DOCK1: variants seen among roughly 807,000 people sequenced by gnomAD.
The protein encoded by DOCK1 is dedicator of cytokinesis protein 1.
DOCK1 carries 138 observed loss-of-function variants against 262.7 expected under a neutral mutation model. The observed-to-expected ratio is 0.53, with a 90% CI of 0.46 to 0.61. The LOEUF is 0.61. DOCK1 is among the 20% of genes least tolerant of loss of function. The pLI is 0.00. For missense variants in DOCK1, 1,908 were observed against 2,370.7 expected (o/e 0.80, Z 4.05); for synonymous variants, 866 against 867.4 (o/e 1.00, Z 0.03).
chr10:126,996,590 A>G (rs1031672390), intron 6 of DOCK1, among the ~76,000 whole-genome samples, 158 bp from the exon 7 acceptor site: 2 of 150,746 alleles, frequency 1.3e-5, no homozygotes, highest in African/African-American at 4.9e-5. Context: ...TTTAAGCTAA[A>G]GAAAGCAGCC....
chr10:127,342,696 A>G (rs1326183347), intron 30 of DOCK1, among the ~76,000 whole-genome samples: 2 of 152,226 alleles, frequency 1.3e-5, no homozygotes, highest in Non-Finnish European at 2.9e-5. Context: ...CTCCTTTGAT[A>G]TAATACATAT....
At chr10:127,052,898 C>G in intron 22 of DOCK1, 83 bp downstream of exon 22, 2 of 1,521,656 alleles carry the variant, frequency 1.3e-6, no homozygotes, top group Admixed American at 2.1e-5. Context: ...TTCTCTCGTC[C>G]CCTTATTCTT....
chr10:126,962,733 CG>C (rs1233738033), intron 1 of DOCK1, among the ~76,000 whole-genome samples: 2 of 152,150 alleles, frequency 1.3e-5, no homozygotes, highest in Admixed American at 1.3e-4. Context: ...TTAATTTTGA[CG>C]AAGTCTAACT....
At chr10:126,997,999 T>C in intron 7 of DOCK1, 93 bp from the exon 8 acceptor site, 2 of 1,500,348 alleles carry the variant, frequency 1.3e-6, no homozygotes, top group Non-Finnish European at 1.8e-6. Flanking sequence ...TGCCAATGAG[T>C]TATTACAATT....
At chr10:127,307,004 C>G (rs1483232768) in intron 29 of DOCK1, among the ~76,000 whole-genome samples, 1 of 152,090 alleles carries the variant, frequency 6.6e-6, no homozygotes, top group African/African-American at 2.4e-5. Flanking sequence ...AAAGTGAGAT[C>G]CATTTGTAAG....
rs536553609 is a variant in DOCK1, at chr10:127,260,842, T to G, written c.3044+3413T>G. Among the ~76,000 whole-genome samples the G allele has an allele frequency of 4.5e-4, 65 of 144,726 alleles. 1 individual carries two copies. The highest frequency in any genetic ancestry group is 1.6e-3 in the African/African-American group (62 of 38,220). 94.9% of individuals were successfully genotyped at this position (144,726 alleles called of 152,430 possible). On this transcript the variant is annotated intron_variant, in intron 29 of 51. Coordinates refer to ENST00000623213, the MANE Select transcript of DOCK1 (RefSeq NM_001290223.2). Reference sequence around the variant, plus strand: ...GCATGTGTGTGCATGGGTGTGCGTGTGTGTACCCGTGCTCATCTGTGTGTG... The same window carrying G: ...GCATGTGTGTGCATGGGTGTGCGTGGGTGTACCCGTGCTCATCTGTGTGTG...
chr10:126,994,355 G>A (rs2040014517), intron 6 of DOCK1, among the ~76,000 whole-genome samples: 1 of 151,996 alleles, frequency 6.6e-6, no homozygotes. Flanking sequence ...TCATTCTTGG[G>A]TGTTTCTCCG....
chr10:127,381,504 G>A, intron 37 of DOCK1, 136 bp downstream of exon 37: 3 of 654,706 alleles, frequency 4.6e-6, no homozygotes, highest in Non-Finnish European at 7.2e-6. Flanking sequence ...TAAATGCAAG[G>A]ATATGAACAA....
intron 47 of DOCK1, among the ~76,000 whole-genome samples, chr10:127,427,912 T>C (rs1457308165): frequency 6.6e-6 from 1 of 152,250 alleles, no homozygotes; most frequent in Non-Finnish European, 1.5e-5. Flanking sequence ...ACACAACTGC[T>C]GCTCTGAGGT....
chr10:127,152,450 A>G (rs955061297), intron 27 of DOCK1, among the ~76,000 whole-genome samples: 1 of 152,212 alleles, frequency 6.6e-6, no homozygotes, highest in South Asian at 2.1e-4. Flanking sequence ...TTGGCGTGCC[A>G]TGCCAGGCTG....
chr10:127,016,850 A>AAAC (rs1235361172), intron 12 of DOCK1, among the ~76,000 whole-genome samples: 8 of 117,500 alleles, frequency 6.8e-5, no homozygotes, highest in Non-Finnish European at 1.4e-4. Flanking sequence ...ACACACACAG[A>AAAC]TACCATAAAC....
intron 27 of DOCK1, among the ~76,000 whole-genome samples, chr10:127,236,317 C>G (rs1448751542): frequency 3.4e-5 from 5 of 145,902 alleles, no homozygotes; most frequent in Admixed American, 6.9e-5. Context: ...TCCTTTCTTT[C>G]TCCCTCCCTC....
intron 27 of DOCK1, among the ~76,000 whole-genome samples, chr10:127,225,635 G>T (rs548306797): frequency 6.6e-6 from 1 of 152,220 alleles, no homozygotes; most frequent in African/African-American, 2.4e-5. Flanking sequence ...GAATAATAGC[G>T]AGAAGCTAGT....
intron 23 of DOCK1, among the ~76,000 whole-genome samples, chr10:127,074,623 A>G (rs2046409024): frequency 6.6e-6 from 1 of 152,220 alleles, no homozygotes; most frequent in South Asian, 2.1e-4. Flanking sequence ...GTATCTTATT[A>G]AAACAAAGTA....
chr10:127,436,191 A>G (rs1053766572), intron 48 of DOCK1, among the ~76,000 whole-genome samples: 1 of 152,226 alleles, frequency 6.6e-6, no homozygotes, highest in African/African-American at 2.4e-5. Flanking sequence ...TATTTTATCA[A>G]TCAGTTTAAA....
intron 33 of DOCK1, among the ~76,000 whole-genome samples, chr10:127,367,275 T>TTAAAAGCCCTCCAGCA (rs2064972764): frequency 6.6e-6 from 1 of 152,314 alleles, no homozygotes; most frequent in South Asian, 2.1e-4. Context: ...CCCAAGAGCC[T>TTAAAAGCCCTCCAGCA]ACTCCTTTCC....
intron 27 of DOCK1, among the ~76,000 whole-genome samples, chr10:127,170,004 C>CT (rs930339050): frequency 7.9e-5 from 12 of 152,048 alleles, no homozygotes; most frequent in South Asian, 2.1e-4. Flanking sequence ...CCTTTAGCTT[C>CT]TTTTTTTACC....
At chr10:127,057,151 G>C (rs1483126641) in intron 22 of DOCK1, among the ~76,000 whole-genome samples, 1 of 152,168 alleles carries the variant, frequency 6.6e-6, no homozygotes, top group African/African-American at 2.4e-5. Flanking sequence ...CTCCAAATGA[G>C]TCTCCTGTGT....
At chr10:127,351,539 C>A (rs1279984240) in intron 31 of DOCK1, among the ~76,000 whole-genome samples, 1 of 151,968 alleles carries the variant, frequency 6.6e-6, no homozygotes, top group Non-Finnish European at 1.5e-5. Context: ...TCTCTACTCT[C>A]CTTCCCGGTG....
Sources: allele counts gnomAD v4.1 joint callset (sites outside exome capture counted in the v4.1 genomes callset), GRCh38; gene constraint gnomAD v4.1.1; transcripts MANE v1.5; gene names NCBI Gene and HGNC (gene_info 2026-07-23, HGNC 2026-07-21).